SESN3: variants seen among roughly 807,000 people sequenced by gnomAD.
The protein encoded by SESN3 is sestrin 3, also known as sestrin-3.
SESN3 carries 21 observed loss-of-function variants against 55.3 expected under a neutral mutation model. The observed-to-expected ratio is 0.38, with a 90% CI of 0.27 to 0.55. SESN3 has a LOEUF of 0.55. Ranked by LOEUF, SESN3 falls within the 20% of genes least tolerant of loss-of-function variation. The pLI, the probability that SESN3 is intolerant of heterozygous loss-of-function variation, is 0.76. For synonymous variants in SESN3, 181 were observed against 203.1 expected (o/e 0.89, Z 0.93); for missense variants, 408 against 604.3 (o/e 0.68, Z 3.41).
Position 95,177,710 on chromosome 11 carries a change from T to C in SESN3, c.1247+9A>G, listed in dbSNP as rs368390546. On this transcript the variant is annotated intron_variant, in intron 8 of 9. Coordinates refer to ENST00000536441, the MANE Select transcript of SESN3 (RefSeq NM_144665.4). Reference sequence around the variant, plus strand: ...GAAATGTAAAAAACTGTCTCTACAATGAACATACCTGATTCCAAACATACA... The same window carrying C: ...GAAATGTAAAAAACTGTCTCTACAACGAACATACCTGATTCCAAACATACA... 3 of 1,588,400 alleles carry C rather than the reference T, an allele frequency of 1.9e-6. 1 individual carries two copies. The highest frequency in any genetic ancestry group is 1.4e-5 in the African/African-American group (1 of 73,058).
At chr11:95,229,473 C>T (rs1400280543) in intron 1 of SESN3, among the ~76,000 whole-genome samples, 2 of 152,048 alleles carry the variant, frequency 1.3e-5, no homozygotes, top group Non-Finnish European at 2.9e-5. Flanking sequence ...CAATTAACCT[C>T]AAATCTGCAA....
chr11:95,186,220 GTGTGTGT>G (rs1860162716), intron 4 of SESN3, among the ~76,000 whole-genome samples: 1 of 150,208 alleles, frequency 6.7e-6, no homozygotes, highest in Non-Finnish European at 1.5e-5. Context: ...GTGTGTGTGT[GTGTGTGT>G]GTGTGTGTGT....
chr11:95,177,531 A>C (rs1166632280), intron 8 of SESN3, among the ~76,000 whole-genome samples, 188 bp downstream of exon 8: 1 of 152,146 alleles, frequency 6.6e-6, no homozygotes, highest in Non-Finnish European at 1.5e-5. Context: ...TTACATGTGC[A>C]TCAATGTTAA....
At chr11:95,186,193 A>AGTGTGTGTGTGTGTGTGT (rs1860160243) in intron 4 of SESN3, among the ~76,000 whole-genome samples, 3 of 18,008 alleles carry the variant, frequency 1.7e-4, no homozygotes, top group Non-Finnish European at 3.7e-4. Flanking sequence ...TCTATCTCTC[A>AGTGTGTGTGTGTGTGTGT]CTGTGTGTGT....
chr11:95,193,502 A>G lies in SESN3; in HGVS notation c.99T>C (p.Ser33=). The G allele has an allele frequency of 6.3e-7, 1 of 1,592,318 alleles. No homozygotes were observed. Among genetic ancestry groups the G allele is most frequent in the Non-Finnish European group, 8.6e-7 (1 of 1,161,726 alleles). ...CACTTGGTCCTCTTGTCAAGGGTTG[A>G]GACACTCTGATTCTTTTATCCTATT... ...VLRKDKRIRV[S]QPLTRGPSAF... is the part of the protein sequence containing the mutation. Residue 33 remains serine (S), a synonymous_variant, in exon 2 of 10, where the codon TCT becomes TCC. Coordinates refer to ENST00000536441, the MANE Select transcript of SESN3 (RefSeq NM_144665.4).
intron 4 of SESN3, among the ~76,000 whole-genome samples, chr11:95,187,856 T>C (rs1245549598): frequency 3.3e-5 from 5 of 151,822 alleles, no homozygotes; most frequent in African/African-American, 1.2e-4. Flanking sequence ...TTAGTTGTTG[T>C]CAGCCTGTAT....
At chr11:95,216,258 T>C (rs1444645819) in intron 1 of SESN3, among the ~76,000 whole-genome samples, 2 of 152,084 alleles carry the variant, frequency 1.3e-5, no homozygotes, top group Non-Finnish European at 2.9e-5. Context: ...ACTATAAAGG[T>C]AGAACAAAAA....
intron 9 of SESN3, 57 bp from the exon 10 acceptor site, chr11:95,173,398 T>G (rs1324960604): frequency 8.9e-7 from 1 of 1,117,746 alleles, no homozygotes; most frequent in African/African-American, 1.5e-5. Context: ...GAAAATCTTA[T>G]TAGACATTCA....
In SESN3 at chr11:95,184,391, C is replaced by G. The variant is rs1407839976; in HGVS notation, c.937+29G>C. On this transcript the variant is annotated intron_variant, in intron 6 of 9. Coordinates refer to ENST00000536441, the MANE Select transcript of SESN3 (RefSeq NM_144665.4). ...TGCCCTGTCAGGGTTCTAAGAACAA[C>G]TAAAAGGCAAAAAAGTGCAAAAAAG... 3.7e-6 allele frequency: 6 copies of G among 1,610,034 alleles called. No homozygotes were observed. In the African/African-American group the frequency reaches 8.0e-5, roughly 22 times the overall value.
intron 1 of SESN3, among the ~76,000 whole-genome samples, chr11:95,211,013 T>C (rs1860644871): frequency 6.6e-6 from 1 of 152,192 alleles, no homozygotes; most frequent in Non-Finnish European, 1.5e-5. Flanking sequence ...GATACCCAGT[T>C]TTATCAAGAG....
chr11:95,210,461 A>C (rs1027998253), intron 1 of SESN3, among the ~76,000 whole-genome samples: 5 of 152,232 alleles, frequency 3.3e-5, no homozygotes, highest in Non-Finnish European at 7.3e-5. Flanking sequence ...GAAGCAGCAG[A>C]AGGATGATCT....
At position 95,179,456 on chromosome 11, in the gene SESN3, C is replaced by T. The variant is rs576913610; in HGVS notation, c.938-628G>A. Among the ~76,000 whole-genome samples the T allele has an allele frequency of 2.8e-4, 43 of 152,054 alleles. No individual in the cohort carries two copies. The East Asian group carries it at 5.2e-3, about 18-fold the overall frequency. On this transcript the variant is annotated intron_variant, in intron 6 of 9. Transcript: ENST00000536441. ...TTTTTTTGGTTTTGTTTTTATCTCT[C>T]CAGGGGATGAAGTGGGATGAGAGGA...
At chr11:95,218,943 C>T (rs1297684737) in intron 1 of SESN3, among the ~76,000 whole-genome samples, 1 of 152,206 alleles carries the variant, frequency 6.6e-6, no homozygotes, top group Non-Finnish European at 1.5e-5. Flanking sequence ...TGAGCCGCCG[C>T]ACCCGGCCAT....
chr11:95,178,019 C>A, intron 7 of SESN3, 110 bp from the exon 8 acceptor site: 1 of 753,396 alleles, frequency 1.3e-6, no homozygotes, highest in Non-Finnish European at 2.1e-6. Flanking sequence ...TCTAATTTAG[C>A]TCTAGGTTTT....
chr11:95,185,476 C>T lies in SESN3; in HGVS notation c.542G>A (p.Gly181Glu), dbSNP rs927390693. 1 of 1,609,140 alleles carries T rather than the reference C, an allele frequency of 6.2e-7. No individual in the cohort carries two copies. Among genetic ancestry groups the T allele is most frequent in the African/African-American group, 1.3e-5 (1 of 74,754 alleles). Residue 181 changes from glycine (G) to glutamate (E), a missense_variant, in exon 5 of 10, where the codon GGA (glycine) becomes GAA (glutamate). Transcript: ENST00000536441. ...TTCAGGCAGAGACCAATTATTTTCT[C>T]CAGTTTTGACAAGTTTCTGAAATAA... ...KEHIQKLVKT[G>E]ENNWSLPELV...
At chr11:95,214,020 A>G (rs1393096257) in intron 1 of SESN3, among the ~76,000 whole-genome samples, 1 of 152,220 alleles carries the variant, frequency 6.6e-6, no homozygotes, top group African/African-American at 2.4e-5. Flanking sequence ...TACTTTTGCC[A>G]TACTGCTATT....
rs372955657 is a variant in SESN3 at position 95,185,360 on chromosome 11, T to C, written c.658A>G (p.Ile220Val). Residue 220 changes from isoleucine (I) to valine (V), a missense_variant, in exon 5 of 10, where the codon ATC becomes GTC. Coordinates refer to ENST00000536441, the MANE Select transcript of SESN3 (RefSeq NM_144665.4). ...SGINPERDPE[I>V]SNGFRLISVN... ...GATATTAGCCTGAATCCATTGGAGA[T>C]TTCTGGATCTCTCTCTGGATTGATA... is the stretch of plus-strand genomic sequence containing the variant. 5.6e-6 allele frequency: 9 copies of C among 1,612,958 alleles called. No individual in the cohort carries two copies. The highest frequency in any genetic ancestry group is 1.7e-5 in the Admixed American group (1 of 59,908).
intron 9 of SESN3, among the ~76,000 whole-genome samples, chr11:95,174,726 A>AT (rs1859922608): frequency 6.6e-6 from 1 of 152,076 alleles, no homozygotes; most frequent in African/African-American, 2.4e-5. Flanking sequence ...ACCTCAGGTG[A>AT]TCCCCCCACC....
At chr11:95,187,003 A>G (rs1373045710) in intron 4 of SESN3, among the ~76,000 whole-genome samples, 1 of 151,802 alleles carries the variant, frequency 6.6e-6, no homozygotes, top group Non-Finnish European at 1.5e-5. Context: ...ACACATATCT[A>G]TATTTTTCTG....
Sources: allele counts gnomAD v4.1 joint callset (sites outside exome capture counted in the v4.1 genomes callset), GRCh38; gene constraint gnomAD v4.1.1; transcripts MANE v1.5; gene names NCBI Gene and HGNC (gene_info 2026-07-23, HGNC 2026-07-21).